Variants in RELCH observed in about 807,000 individuals in gnomAD.
RELCH encodes RAB11 binding and LisH domain, coiled-coil and HEAT repeat containing.
Under a neutral mutation model 150.3 loss-of-function variants are expected in RELCH, and 41 were observed. That is an observed-to-expected ratio of 0.27 (90% CI 0.21 to 0.35). RELCH has a LOEUF of 0.35. Ranked by LOEUF, RELCH falls within the 10% of genes least tolerant of loss-of-function variation. RELCH has a pLI of 1.00. For missense variants in RELCH, 1,092 were observed against 1,467.8 expected (o/e 0.74, Z 4.18); for synonymous variants, 478 against 531.8 (o/e 0.90, Z 1.39).
chr18:62,227,520 T>G (rs1404663939), intron 6 of RELCH, 28 bp downstream of exon 6: 1 of 1,591,180 alleles, frequency 6.3e-7, no homozygotes, highest in Non-Finnish European at 8.6e-7. Context: ...ATTAGTCAAG[T>G]CCACAGAAAG....
rs778822248 is a variant in RELCH at position 62,296,285 on chromosome 18, G to A, written c.3460-2505G>A. ...CTTGTTTCATCAGCTGTTGAAAGAC[G>A]CGTTGAAAGTTACAATTGGCAGCCA... On this transcript the variant is annotated intron_variant, in intron 27 of 28. Coordinates refer to ENST00000644646, the MANE Select transcript of RELCH (RefSeq NM_001346231.2). Among the ~76,000 whole-genome samples, 7 of 152,144 alleles carry A rather than the reference G, an allele frequency of 4.6e-5. No individual in the cohort carries two copies. In the South Asian group the frequency reaches 6.2e-4, roughly 14 times the overall value.
chr18:62,282,210 C>G, intron 24 of RELCH, 96 bp from the exon 25 acceptor site: 1 of 1,032,022 alleles, frequency 9.7e-7, no homozygotes, highest in South Asian at 1.5e-5. Flanking sequence ...CTTTAATCCA[C>G]TGCTTTAAGT....
intron 10 of RELCH, chr18:62,235,388 A>G (rs1261282550): frequency 6.6e-6 from 1 of 152,162 alleles, no homozygotes; most frequent in East Asian, 1.9e-4. Flanking sequence ...AAGTTTTGAA[A>G]TTGGGATATA....
chr18:62,266,442 AAG>A (rs1043591055), intron 18 of RELCH, among the ~76,000 whole-genome samples: 2 of 151,914 alleles, frequency 1.3e-5, no homozygotes, highest in African/African-American at 4.8e-5. Context: ...AATTTAATAA[AAG>A]AAACCAGAGG....
intron 22 of RELCH, 141 bp from the exon 23 acceptor site, chr18:62,279,633 A>G (rs1036765203): frequency 3.4e-6 from 2 of 580,482 alleles, no homozygotes; most frequent in Non-Finnish European, 6.1e-6. Flanking sequence ...CTCTAGCAGC[A>G]GTATTTGCTT....
At chr18:62,286,945 C>T (rs1466898610) in intron 25 of RELCH, among the ~76,000 whole-genome samples, 1 of 152,092 alleles carries the variant, frequency 6.6e-6, no homozygotes, top group Non-Finnish European at 1.5e-5. Flanking sequence ...AAAGAATATA[C>T]TCTTTTGATT....
intron 8 of RELCH, 29 bp downstream of exon 8, chr18:62,228,627 C>T (rs752040696): frequency 3.3e-6 from 5 of 1,524,662 alleles, no homozygotes; most frequent in African/African-American, 1.4e-5. Flanking sequence ...TTTTGAAATG[C>T]ATCTTTCAGC....
At chr18:62,296,511 A>C (rs1169005819) in intron 27 of RELCH, among the ~76,000 whole-genome samples, 1 of 152,088 alleles carries the variant, frequency 6.6e-6, no homozygotes, top group African/African-American at 2.4e-5. Flanking sequence ...ATTTGAACCC[A>C]GGAGGTGGAG....
At chr18:62,260,308 T>A in intron 15 of RELCH, among the ~76,000 whole-genome samples, 2 of 144,714 alleles carry the variant, frequency 1.4e-5, no homozygotes, top group African/African-American at 2.6e-5. Context: ...AATCATCAGG[T>A]AAATGCAAAT....
chr18:62,235,179 T>A (rs1247681761), intron 10 of RELCH: 1 of 152,068 alleles, frequency 6.6e-6, no homozygotes. Context: ...TTTATTCTTT[T>A]CATATGGCTA....
At chr18:62,285,342 T>C (rs2044735517) in intron 25 of RELCH, 1 of 152,168 alleles carries the variant, frequency 6.6e-6, no homozygotes, top group African/African-American at 2.4e-5. Flanking sequence ...TCTCCTATTA[T>C]CCTTTTTTCA....
chr18:62,235,741 C>G (rs1328359164), intron 10 of RELCH, among the ~76,000 whole-genome samples: 3 of 151,816 alleles, frequency 2.0e-5, no homozygotes, highest in Admixed American at 6.6e-5. Flanking sequence ...GTTTTCTTTT[C>G]AAGAAGGGAA....
intron 17 of RELCH, among the ~76,000 whole-genome samples, chr18:62,264,475 A>T (rs1201565670): frequency 6.6e-6 from 1 of 152,080 alleles, no homozygotes; most frequent in Non-Finnish European, 1.5e-5. Context: ...CATAGATTTG[A>T]GTCACATTAA....
intron 1 of RELCH, among the ~76,000 whole-genome samples, chr18:62,197,320 CT>C (rs1280724246): frequency 2.6e-5 from 4 of 152,164 alleles, no homozygotes; most frequent in African/African-American, 9.7e-5. Flanking sequence ...ATGCTTTCTA[CT>C]TTTCAAACAA....
At chr18:62,265,013 A>G (rs1204847096) in intron 18 of RELCH, among the ~76,000 whole-genome samples, 161 bp downstream of exon 18, 1 of 152,070 alleles carries the variant, frequency 6.6e-6, no homozygotes, top group Non-Finnish European at 1.5e-5. Context: ...TCTAGTTGGT[A>G]ATATTCTTAT....
chr18:62,266,278 C>T (rs973461211), intron 18 of RELCH, among the ~76,000 whole-genome samples: 15 of 151,856 alleles, frequency 9.9e-5, no homozygotes, highest in African/African-American at 4.8e-5. Flanking sequence ...CCTGAAGTGA[C>T]TGGAATTTCC....
intron 19 of RELCH, chr18:62,268,469 A>G (rs138486887): frequency 5.2e-5 from 8 of 154,332 alleles, no homozygotes; most frequent in African/African-American, 9.6e-5. Flanking sequence ...CTAGAAATAG[A>G]TCAAATAACA....
At chr18:62,285,726 A>G (rs2144998286) in intron 25 of RELCH, 1 of 152,366 alleles carries the variant, frequency 6.6e-6, no homozygotes, top group East Asian at 1.9e-4. Flanking sequence ...GTGAATAGTC[A>G]TTGCATTCCA....
chr18:62,198,956 G>T (rs937519686), intron 1 of RELCH, among the ~76,000 whole-genome samples: 25 of 151,596 alleles, frequency 1.6e-4, no homozygotes, highest in Admixed American at 1.6e-3. Flanking sequence ...GCTTCTTCCT[G>T]CCCTTTCAAC....
Sources: allele counts gnomAD v4.1 joint callset (sites outside exome capture counted in the v4.1 genomes callset), GRCh38; gene constraint gnomAD v4.1.1; transcripts MANE v1.5; gene names NCBI Gene and HGNC (gene_info 2026-07-23, HGNC 2026-07-21).